AUTS2: variants seen among roughly 807,000 people sequenced by gnomAD.
AUTS2 encodes activator of transcription and developmental regulator AUTS2, also known as autism susceptibility gene 2 protein.
In AUTS2, 17 loss-of-function variants were observed where a neutral mutation model predicts 112.4. That is an observed-to-expected ratio of 0.15 (90% CI 0.10 to 0.23). AUTS2 has a LOEUF of 0.23. Among genes scored for constraint, AUTS2 ranks in the 10% least tolerant of loss-of-function variants. AUTS2 has a pLI of 1.00. For synonymous variants in AUTS2, 751 were observed against 702.7 expected, an observed-to-expected ratio of 1.07 and a Z score of -1.09; for missense variants, 1,510 against 1,701.6, an observed-to-expected ratio of 0.89 and a Z score of 1.98.
At chr7:69,627,456 A>C (rs930444163) in intron 1 of AUTS2, among the ~76,000 whole-genome samples, 3 of 152,076 alleles carry the variant, frequency 2.0e-5, no homozygotes, top group Non-Finnish European at 4.4e-5. Flanking sequence ...ACGCCATTGC[A>C]CTCCAACCTG....
intron 3 of AUTS2, among the ~76,000 whole-genome samples, chr7:70,131,305 G>A (rs1806259727): frequency 6.6e-6 from 1 of 152,104 alleles, no homozygotes; most frequent in South Asian, 2.1e-4. Flanking sequence ...AAAATAGCTG[G>A]GCACAGTATC....
chr7:70,183,638 TCTTC>T (rs1437370632), intron 4 of AUTS2, among the ~76,000 whole-genome samples: 1 of 152,106 alleles, frequency 6.6e-6, no homozygotes, highest in African/African-American at 2.4e-5. Flanking sequence ...TTCCCTTTCC[TCTTC>T]CTTCTGCCCA....
intron 3 of AUTS2, among the ~76,000 whole-genome samples, chr7:70,130,930 G>A (rs777147766): frequency 1.3e-5 from 2 of 152,084 alleles, no homozygotes; most frequent in African/African-American, 4.8e-5. Flanking sequence ...TAAGAATGAA[G>A]CCCTTTTCAG....
intron 5 of AUTS2, among the ~76,000 whole-genome samples, chr7:70,637,514 C>T (rs1232922588): frequency 6.6e-6 from 1 of 152,146 alleles, no homozygotes; most frequent in East Asian, 1.9e-4. Context: ...GCATTCACTG[C>T]AATTTTAATA....
At chr7:69,862,949 C>G (rs1241503749) in intron 1 of AUTS2, among the ~76,000 whole-genome samples, 1 of 152,150 alleles carries the variant, frequency 6.6e-6, no homozygotes, top group African/African-American at 2.4e-5. Flanking sequence ...AAAAATGCCT[C>G]CTGAGCCAGG....
intron 1 of AUTS2, among the ~76,000 whole-genome samples, chr7:69,797,200 C>T (rs899514278): frequency 3.3e-5 from 5 of 152,158 alleles, no homozygotes; most frequent in Admixed American, 6.5e-5. Flanking sequence ...GGTAGTATTA[C>T]GCAGAGCCCA....
chr7:70,633,535 C>G (rs769596068), intron 5 of AUTS2, among the ~76,000 whole-genome samples: 141 of 146,930 alleles, frequency 9.6e-4, no homozygotes, highest in Non-Finnish European at 1.6e-3. Context: ...CACTTGAACC[C>G]TGGAGGCGGA....
At chr7:70,348,600 C>T (rs1476011077) in intron 4 of AUTS2, among the ~76,000 whole-genome samples, 2 of 151,800 alleles carry the variant, frequency 1.3e-5, no homozygotes, top group Admixed American at 6.6e-5. Context: ...GTCAGGAGAT[C>T]GAGACCATCC....
intron 6 of AUTS2, among the ~76,000 whole-genome samples, chr7:70,744,763 C>T (rs560527726): frequency 1.2e-4 from 18 of 152,300 alleles, no homozygotes; most frequent in African/African-American, 4.3e-4. Context: ...ACCTGACTGA[C>T]ACGTGAGCCC....
At chr7:70,468,865 GTCTTT>G (rs1276306696) in intron 5 of AUTS2, among the ~76,000 whole-genome samples, 1 of 152,176 alleles carries the variant, frequency 6.6e-6, no homozygotes, top group East Asian at 1.9e-4. Flanking sequence ...CTTCGACAAG[GTCTTT>G]TATGAAGCCT....
chr7:70,379,070 A>G lies in AUTS2; in HGVS notation c.661-56682A>G, dbSNP rs78807666. Among the ~76,000 whole-genome samples the G allele has an allele frequency of 2.3e-3, 350 of 152,246 alleles. 1 individual carries two copies. Among genetic ancestry groups the G allele is most frequent in the African/African-American group, 8.1e-3 (335 of 41,530 alleles). ...CTTTTTTTTTAAGTTGCTGGATATAAGCCAGGTTATCATATAATGCCCTTT... is the reference window on the plus strand; with the variant it reads ...CTTTTTTTTTAAGTTGCTGGATATAGGCCAGGTTATCATATAATGCCCTTT... On this transcript the variant is annotated intron_variant, in intron 4 of 18. Coordinates refer to ENST00000342771, the MANE Select transcript of AUTS2 (RefSeq NM_015570.4).
chr7:69,807,808 G>A (rs1177817950), intron 1 of AUTS2, among the ~76,000 whole-genome samples: 2 of 152,132 alleles, frequency 1.3e-5, no homozygotes, highest in African/African-American at 4.8e-5. Context: ...TTTTACCAGC[G>A]TGACTGATTC....
intron 2 of AUTS2, among the ~76,000 whole-genome samples, chr7:70,002,526 A>C (rs548351615): frequency 1.3e-5 from 2 of 152,284 alleles, no homozygotes; most frequent in South Asian, 4.1e-4. Context: ...GGAACAGGAC[A>C]CATATAGATT....
chr7:70,480,406 A>G (rs146947437), intron 5 of AUTS2, among the ~76,000 whole-genome samples: 4 of 152,218 alleles, frequency 2.6e-5, no homozygotes, highest in East Asian at 1.9e-4. Context: ...GCCAATCTAC[A>G]TGGCCATATC....
At chr7:70,544,648 G>GT (rs965532133) in intron 5 of AUTS2, among the ~76,000 whole-genome samples, 2 of 152,100 alleles carry the variant, frequency 1.3e-5, no homozygotes, top group African/African-American at 4.8e-5. Context: ...GTCTTTCGTT[G>GT]TTTTTTATTT....
chr7:70,195,433 G>A (rs1810122124), intron 4 of AUTS2, among the ~76,000 whole-genome samples: 1 of 152,180 alleles, frequency 6.6e-6, no homozygotes, highest in South Asian at 2.1e-4. Context: ...TATCCCTTGA[G>A]GTCAGGAGTT....
At chr7:69,772,405 G>GTTCC (rs1218415479) in intron 1 of AUTS2, among the ~76,000 whole-genome samples, 2 of 152,196 alleles carry the variant, frequency 1.3e-5, no homozygotes, top group African/African-American at 4.8e-5. Flanking sequence ...GTCTGATAGA[G>GTTCC]GTATAAGGTC....
intron 4 of AUTS2, among the ~76,000 whole-genome samples, chr7:70,141,259 G>A (rs915607696): frequency 1.3e-5 from 2 of 152,132 alleles, no homozygotes; most frequent in South Asian, 2.1e-4. Context: ...TGATTACAGG[G>A]AATGTGGGAT....
chr7:69,886,666 C>A (rs1794284919), intron 1 of AUTS2, among the ~76,000 whole-genome samples: 1 of 152,096 alleles, frequency 6.6e-6, no homozygotes, highest in South Asian at 2.1e-4. Context: ...TTCTTTACTT[C>A]TAGCCACCAC....
Sources: allele counts gnomAD v4.1 joint callset (sites outside exome capture counted in the v4.1 genomes callset), GRCh38; gene constraint gnomAD v4.1.1; transcripts MANE v1.5; gene names NCBI Gene and HGNC (gene_info 2026-07-23, HGNC 2026-07-21).